Variants in FUT8 observed in about 807,000 individuals in gnomAD.
FUT8 encodes the protein alpha-(1,6)-fucosyltransferase.
A neutral mutation model predicts 71.3 loss-of-function variants in FUT8; 29 were observed. The observed-to-expected ratio is 0.41, with a 90% CI of 0.30 to 0.55. The LOEUF (loss-of-function observed/expected upper bound fraction) is 0.55, where lower values mean the gene tolerates loss of function less well. Ranked by LOEUF, FUT8 falls within the 20% of genes least tolerant of loss-of-function variation. The pLI is 0.34. For missense variants in FUT8, 544 were observed against 702.1 expected (o/e 0.77, Z 2.55); for synonymous variants, 254 against 239.3 (o/e 1.06, Z -0.57).
intron 7 of FUT8, among the ~76,000 whole-genome samples, chr14:65,693,496 G>A (rs1680858395): frequency 1.3e-5 from 2 of 152,246 alleles, no homozygotes; most frequent in South Asian, 2.1e-4. Context: ...GCATCACAGG[G>A]AGACCGTGGA....
intron 2 of FUT8, among the ~76,000 whole-genome samples, chr14:65,469,609 C>T (rs1385491332): frequency 1.3e-5 from 2 of 152,220 alleles, no homozygotes; most frequent in East Asian, 1.9e-4. Flanking sequence ...GTTAGAACAG[C>T]TCAGAGGAGA....
At chr14:65,429,653 A>G (rs887700153) in intron 1 of FUT8, among the ~76,000 whole-genome samples, 2 of 152,106 alleles carry the variant, frequency 1.3e-5, no homozygotes, top group African/African-American at 4.8e-5. Context: ...GCTTGAGCCC[A>G]GGAATTTGAG....
intron 2 of FUT8, among the ~76,000 whole-genome samples, chr14:65,492,552 T>G (rs562408539): frequency 3.3e-5 from 5 of 152,328 alleles, no homozygotes; most frequent in African/African-American, 1.2e-4. Flanking sequence ...ACCATGTGGC[T>G]GTGCTGGAGT....
chr14:65,545,023 C>T (rs1017734804), intron 2 of FUT8, among the ~76,000 whole-genome samples: 8 of 151,640 alleles, frequency 5.3e-5, no homozygotes, highest in African/African-American at 7.3e-5. Context: ...CTTTCCCCCA[C>T]CTCTCTTTTT....
intron 1 of FUT8, among the ~76,000 whole-genome samples, chr14:65,419,710 T>G (rs2065265993): frequency 6.6e-6 from 1 of 152,222 alleles, no homozygotes; most frequent in South Asian, 2.1e-4. Context: ...TTCTAAGTTT[T>G]AGGTTTTTCT....
At chr14:65,692,222 G>A (rs1893654858) in intron 7 of FUT8, among the ~76,000 whole-genome samples, 1 of 151,206 alleles carries the variant, frequency 6.6e-6, no homozygotes, top group South Asian at 2.1e-4. Flanking sequence ...CGGCTGGCCA[G>A]GCGGGGGGCT....
At chr14:65,390,014 G>A in the FUT8 span, among the ~76,000 whole-genome samples, 2 of 151,006 alleles carry the variant, frequency 1.3e-5, no homozygotes, top group Non-Finnish European at 3.0e-5. Flanking sequence ...GTTGGTACAC[G>A]CTTGTAATCC....
chr14:65,485,827 C>G (rs1166370381), intron 2 of FUT8, among the ~76,000 whole-genome samples: 3 of 152,180 alleles, frequency 2.0e-5, no homozygotes. Flanking sequence ...GGATTTCTTT[C>G]TCTTCCCTGG....
the FUT8 span, among the ~76,000 whole-genome samples, chr14:65,400,884 C>CA: frequency 1.7e-4 from 26 of 149,906 alleles, no homozygotes; most frequent in Admixed American, 2.7e-4. Flanking sequence ...GACCCTGTCT[C>CA]AAAAAAAAAG....
intron 1 of FUT8, among the ~76,000 whole-genome samples, chr14:65,416,807 GTC>G (rs1399535904): frequency 5.2e-5 from 7 of 134,628 alleles, no homozygotes; most frequent in Non-Finnish European, 3.1e-5. Flanking sequence ...GTTGGGGGTT[GTC>G]TCTCTATGTT....
chr14:65,396,110 C>T, the FUT8 span, among the ~76,000 whole-genome samples: 1 of 152,176 alleles, frequency 6.6e-6, no homozygotes, highest in Non-Finnish European at 1.5e-5. The surrounding 1 kb of genome is among the most constrained non-coding windows in gnomAD (Gnocchi z 5.5). Context: ...TCATTATCCA[C>T]ATCACTATCA....
At chr14:65,559,921 C>G (rs1885813657) in intron 2 of FUT8, among the ~76,000 whole-genome samples, 2 of 152,032 alleles carry the variant, frequency 1.3e-5, no homozygotes, top group Non-Finnish European at 2.9e-5. Flanking sequence ...TGGATTATTC[C>G]TTTTTAATTT....
intron 7 of FUT8, among the ~76,000 whole-genome samples, chr14:65,700,245 A>G (rs1051806292): frequency 2.6e-5 from 4 of 152,166 alleles, no homozygotes; most frequent in Non-Finnish European, 4.4e-5. Context: ...CAAGGCCTGA[A>G]TATTCATATT....
intron 1 of FUT8, among the ~76,000 whole-genome samples, chr14:65,452,587 G>A (rs2065844141): frequency 6.6e-6 from 1 of 152,210 alleles, no homozygotes; most frequent in Admixed American, 6.5e-5. Context: ...TATGAGAAAG[G>A]AGAAAGCTGC....
At chr14:65,496,747 A>C (rs2066565766) in intron 2 of FUT8, among the ~76,000 whole-genome samples, 1 of 152,110 alleles carries the variant, frequency 6.6e-6, no homozygotes, top group Non-Finnish European at 1.5e-5. Flanking sequence ...TAGCAGTGTG[A>C]GAATGGACTC....
chr14:65,519,936 A>C (rs1882969357), intron 2 of FUT8, among the ~76,000 whole-genome samples: 1 of 151,976 alleles, frequency 6.6e-6, no homozygotes, highest in Non-Finnish European at 1.5e-5. Context: ...GTGCCACTAC[A>C]CCTGGCTAAT....
At chr14:65,702,133 G>T (rs1894328694) in intron 7 of FUT8, among the ~76,000 whole-genome samples, 2 of 152,120 alleles carry the variant, frequency 1.3e-5, no homozygotes, top group African/African-American at 4.8e-5. Flanking sequence ...ATCACCTGAG[G>T]TTGGGAGTTC....
At chr14:65,474,243 A>G (rs1378673326) in intron 2 of FUT8, among the ~76,000 whole-genome samples, 3 of 151,714 alleles carry the variant, frequency 2.0e-5, no homozygotes. Flanking sequence ...CTTCACCACT[A>G]TACATTTCAT....
intron 1 of FUT8, among the ~76,000 whole-genome samples, chr14:65,429,426 C>T (rs2065435588): frequency 6.6e-6 from 1 of 152,168 alleles, no homozygotes; most frequent in Non-Finnish European, 1.5e-5. Flanking sequence ...AAATTTGTTT[C>T]ATGTTTTAGA....
Sources: gnomAD v4.1 joint callset for allele counts (sites outside exome capture counted in the v4.1 genomes callset) on GRCh38, gnomAD v4.1.1 for gene constraint, Gnocchi (gnomAD v3.1) non-coding constraint, MANE v1.5 for transcripts, NCBI Gene and HGNC (gene_info 2026-07-23, HGNC 2026-07-21) for gene names.